The following MAF variants were observed in gnomAD, a reference collection of about 807,000 sequenced individuals.
MAF encodes MAF bZIP transcription factor, also known as transcription factor Maf.
MAF carries 10 observed loss-of-function variants against 22.0 expected under a neutral mutation model. That is an observed-to-expected ratio of 0.45 (90% CI 0.28 to 0.77). The LOEUF is 0.77. Among genes scored for constraint, MAF ranks in the 30% least tolerant of loss-of-function variants. The pLI is 0.12. For synonymous variants in MAF, 337 were observed against 255.8 expected (o/e 1.32, Z -3.03); for missense variants, 544 against 548.4 (o/e 0.99, Z 0.08).
At chr16:79,475,378 G>C in the MAF span, among the ~76,000 whole-genome samples, 2 of 151,762 alleles carry the variant, frequency 1.3e-5, no homozygotes, top group African/African-American at 4.8e-5. Context: ...GTGTGTGTGT[G>C]TGTGTATGCA....
At chr16:79,214,598 G>C in the MAF span, among the ~76,000 whole-genome samples, 3 of 150,948 alleles carry the variant, frequency 2.0e-5, no homozygotes, top group African/African-American at 7.3e-5. Flanking sequence ...GTAGAGACGG[G>C]GTTTCACTAT....
the MAF span, among the ~76,000 whole-genome samples, chr16:79,456,667 G>A: frequency 6.6e-6 from 1 of 152,166 alleles, no homozygotes; most frequent in Non-Finnish European, 1.5e-5. Context: ...GTCATCTTGA[G>A]CTGAGCAAGT....
Position 79,599,225 on chromosome 16 carries a change from G to C in MAF, c.678C>G (p.Gly226=), listed in dbSNP as rs1913816658. ...AGGGGPASAG[G]GGGGGGGGGG... ...CTCCGCCGCCGCCGCCGCCGCCGCC[G>C]CCCCCAGCGCTGGCCGGGCCACCGC... is the stretch of plus-strand genomic sequence containing the variant. Residue 226 remains glycine (G), a synonymous_variant, in exon 1 of 2, where the codon GGC becomes GGG. Transcript: ENST00000326043. The C allele has an allele frequency of 1.0e-6, 1 of 977,896 alleles. No individual in the cohort carries two copies. The highest frequency in any genetic ancestry group is 1.2e-6 in the Non-Finnish European group (1 of 826,634). 60.6% of individuals were successfully genotyped at this position (977,896 alleles called of 1,614,324 possible).
the MAF span, among the ~76,000 whole-genome samples, chr16:79,346,715 T>C: frequency 6.6e-6 from 1 of 152,192 alleles, no homozygotes; most frequent in African/African-American, 2.4e-5. Context: ...TACCCCATAT[T>C]CATAGTTATA....
the MAF span, among the ~76,000 whole-genome samples, chr16:79,569,595 T>C: frequency 2.0e-5 from 3 of 152,302 alleles, no homozygotes; most frequent in African/African-American, 7.2e-5. Context: ...GGTGAGGCCA[T>C]GCAATGTGTG....
the MAF span, among the ~76,000 whole-genome samples, chr16:79,487,018 G>C: frequency 6.6e-6 from 1 of 152,082 alleles, no homozygotes; most frequent in Non-Finnish European, 1.5e-5. Context: ...CTTGGTGGTC[G>C]AGGTGAGAGA....
At chr16:79,222,903 A>C in the MAF span, among the ~76,000 whole-genome samples, 475 of 152,306 alleles carry the variant, frequency 3.1e-3, 5 homozygotes, top group Admixed American at 0.022. Context: ...AACTTAGACT[A>C]CCACACAGTA....
chr16:79,410,417 A>C, the MAF span, among the ~76,000 whole-genome samples: 1 of 152,264 alleles, frequency 6.6e-6, no homozygotes, highest in Non-Finnish European at 1.5e-5. Flanking sequence ...GCAACTGCGA[A>C]CACACTCCAA....
the MAF span, among the ~76,000 whole-genome samples, chr16:79,259,063 CA>C: frequency 6.6e-6 from 1 of 152,176 alleles, no homozygotes; most frequent in Non-Finnish European, 1.5e-5. Flanking sequence ...TCCTGACAAC[CA>C]TCCCCTAAAC....
the MAF span, among the ~76,000 whole-genome samples, chr16:79,310,092 C>T: frequency 6.6e-6 from 1 of 152,118 alleles, no homozygotes; most frequent in East Asian, 1.9e-4. Flanking sequence ...TTAATAAAAA[C>T]GTGAGCATTT....
the MAF span, among the ~76,000 whole-genome samples, chr16:79,245,792 G>C: frequency 6.6e-6 from 1 of 152,024 alleles, no homozygotes; most frequent in Non-Finnish European, 1.5e-5. Flanking sequence ...CAATAGCAAA[G>C]ACTTGGAACC....
the MAF span, among the ~76,000 whole-genome samples, chr16:79,475,725 A>C: frequency 4.6e-5 from 7 of 152,180 alleles, no homozygotes. Context: ...AAAATCTGTA[A>C]AAATGAATAA....
At chr16:79,228,051 G>A in the MAF span, among the ~76,000 whole-genome samples, 10 of 152,068 alleles carry the variant, frequency 6.6e-5, no homozygotes, top group Non-Finnish European at 8.8e-5. Context: ...CTATAGGCAC[G>A]CACCACCACA....
At chr16:79,552,093 C>G in the MAF span, among the ~76,000 whole-genome samples, 1 of 152,156 alleles carries the variant, frequency 6.6e-6, no homozygotes, top group African/African-American at 2.4e-5. Flanking sequence ...CCAAGACCCC[C>G]CTGCCCTCTT....
At chr16:79,419,799 C>T in the MAF span, among the ~76,000 whole-genome samples, 2 of 152,106 alleles carry the variant, frequency 1.3e-5, no homozygotes, top group Non-Finnish European at 2.9e-5. Context: ...TTTAGGGACA[C>T]CAGGGTGGCA....
the MAF span, among the ~76,000 whole-genome samples, chr16:79,509,403 G>T: frequency 6.6e-6 from 1 of 152,342 alleles, no homozygotes; most frequent in Middle Eastern, 3.4e-3. Flanking sequence ...AGAAGCCTTT[G>T]TCTCTTCCCT....
chr16:79,218,220 C>T, the MAF span, among the ~76,000 whole-genome samples: 4 of 118,910 alleles, frequency 3.4e-5, no homozygotes, highest in South Asian at 9.6e-4. Context: ...TGGCTTCATG[C>T]CCCCCCTTTT....
the MAF span, among the ~76,000 whole-genome samples, chr16:79,381,933 T>A: frequency 6.6e-6 from 1 of 152,158 alleles, no homozygotes; most frequent in Non-Finnish European, 1.5e-5. Context: ...TTAACCCACA[T>A]CTGGCTCAAC....
chr16:79,414,002 C>T, the MAF span, among the ~76,000 whole-genome samples: 2 of 152,190 alleles, frequency 1.3e-5, no homozygotes, highest in African/African-American at 2.4e-5. Context: ...GCCAAATGCC[C>T]TCAGCTGTCT....
Sources: allele counts gnomAD v4.1 joint callset (sites outside exome capture counted in the v4.1 genomes callset), GRCh38; gene constraint gnomAD v4.1.1; transcripts MANE v1.5; gene names NCBI Gene and HGNC (gene_info 2026-07-23, HGNC 2026-07-21).